ACTR3C: variants seen among roughly 807,000 people sequenced by gnomAD.
ACTR3C encodes actin related protein 3C.
A neutral mutation model predicts 26.3 loss-of-function variants in ACTR3C; 18 were observed. The ratio of observed to expected loss-of-function variants is 0.68; its 90% CI spans 0.47 to 1.01. The LOEUF (loss-of-function observed/expected upper bound fraction) is 1.01. Ranked by LOEUF, ACTR3C falls within the 50% of genes least tolerant of loss-of-function variation. ACTR3C has a pLI of 0.00. For synonymous variants in ACTR3C, 55 were observed against 94.5 expected, an observed-to-expected ratio of 0.58 and a Z score of 2.42; for missense variants, 184 against 250.7, an observed-to-expected ratio of 0.73 and a Z score of 1.80.
the ACTR3C span, among the ~76,000 whole-genome samples, chr7:149,982,283 C>T: frequency 1.4e-3 from 216 of 152,274 alleles, no homozygotes; most frequent in African/African-American, 4.5e-3. Flanking sequence ...AGGCATGAGA[C>T]AATGCAGTTA....
chr7:149,965,647 G>A, the ACTR3C span, among the ~76,000 whole-genome samples: 2 of 152,194 alleles, frequency 1.3e-5, no homozygotes, highest in Non-Finnish European at 1.5e-5. Flanking sequence ...CACAACTGAC[G>A]TTCCTGGAAA....
the ACTR3C span, among the ~76,000 whole-genome samples, chr7:150,025,508 CCT>C: frequency 2.2e-5 from 3 of 133,926 alleles, no homozygotes; most frequent in Non-Finnish European, 3.4e-5. Flanking sequence ...ACGAAAGCCC[CCT>C]CTCTTTTCCC....
At chr7:150,158,932 C>A in the ACTR3C span, among the ~76,000 whole-genome samples, 2 of 147,674 alleles carry the variant, frequency 1.4e-5, no homozygotes, top group Non-Finnish European at 3.0e-5. Context: ...CACACATGTG[C>A]GCAGACACAC....
chr7:150,163,864 G>T, the ACTR3C span, among the ~76,000 whole-genome samples: 2 of 152,000 alleles, frequency 1.3e-5, no homozygotes, highest in Non-Finnish European at 2.9e-5. Flanking sequence ...ATTGGGGAAG[G>T]CTCTCTGCTT....
intron 6 of ACTR3C, among the ~76,000 whole-genome samples, chr7:150,271,521 T>C (rs569776827): frequency 1.3e-5 from 2 of 150,484 alleles, no homozygotes; most frequent in African/African-American, 5.0e-5. Flanking sequence ...GAACTCATCC[T>C]TTTTTATGGC....
chr7:150,168,936 G>A, the ACTR3C span, among the ~76,000 whole-genome samples: 415 of 150,840 alleles, frequency 2.8e-3, 35 homozygotes, highest in African/African-American at 9.3e-3. Flanking sequence ...GGATGCTATC[G>A]GCTGAATTTC....
At chr7:150,173,069 A>G in the ACTR3C span, among the ~76,000 whole-genome samples, 2 of 149,886 alleles carry the variant, frequency 1.3e-5, no homozygotes, top group African/African-American at 2.5e-5. Context: ...TGGTGGATCT[A>G]CCATTCTAGG....
chr7:150,135,857 A>G, the ACTR3C span, among the ~76,000 whole-genome samples: 1 of 106,238 alleles, frequency 9.4e-6, no homozygotes, highest in South Asian at 2.3e-4. Flanking sequence ...GAAGAAAGAA[A>G]AGGAAAAGGA....
chr7:150,123,872 C>G, the ACTR3C span, among the ~76,000 whole-genome samples: 162 of 152,264 alleles, frequency 1.1e-3, 2 homozygotes, highest in Non-Finnish European at 5.6e-4. Context: ...TGGCTCACCC[C>G]GACCCTGAGG....
intron 1 of ACTR3C, among the ~76,000 whole-genome samples, chr7:150,306,998 G>A (rs1471343251): frequency 2.0e-5 from 3 of 151,956 alleles, no homozygotes; most frequent in Non-Finnish European, 4.4e-5. Context: ...GTTATAAAAG[G>A]ATATATAGAT....
the ACTR3C span, among the ~76,000 whole-genome samples, chr7:149,927,566 T>TA: frequency 6.6e-6 from 1 of 151,708 alleles, no homozygotes; most frequent in Non-Finnish European, 1.5e-5. Context: ...CCGTCTCTAT[T>TA]AAAAATACAA....
the ACTR3C span, among the ~76,000 whole-genome samples, chr7:150,194,170 G>A: frequency 2.0e-5 from 3 of 148,642 alleles, no homozygotes; most frequent in Non-Finnish European, 4.5e-5. Flanking sequence ...CACCTCCCTG[G>A]AGAAATTCCT....
the ACTR3C span, among the ~76,000 whole-genome samples, chr7:150,198,007 G>A: frequency 2.0e-5 from 3 of 151,242 alleles, no homozygotes; most frequent in Non-Finnish European, 4.4e-5. Flanking sequence ...GGCATGCGCC[G>A]CCACGCCTGA....
the ACTR3C span, among the ~76,000 whole-genome samples, chr7:150,122,828 G>A: frequency 6.6e-6 from 1 of 151,294 alleles, no homozygotes; most frequent in African/African-American, 2.4e-5. Context: ...GCAAAGACTT[G>A]GAACCAACCC....
the ACTR3C span, among the ~76,000 whole-genome samples, chr7:150,198,034 C>T: frequency 6.6e-5 from 10 of 151,468 alleles, no homozygotes; most frequent in South Asian, 2.1e-3. Flanking sequence ...TTGGTGGAGA[C>T]GGGGTTTCGC....
chr7:150,168,689 A>G, the ACTR3C span, among the ~76,000 whole-genome samples: 3 of 150,516 alleles, frequency 2.0e-5, 1 homozygote, highest in African/African-American at 7.5e-5. Context: ...AAGGAACACA[A>G]TTTTACTTAG....
the ACTR3C span, among the ~76,000 whole-genome samples, chr7:149,906,671 A>T: frequency 7.1e-6 from 1 of 140,954 alleles, no homozygotes; most frequent in Non-Finnish European, 1.5e-5. Flanking sequence ...ACCTCAGGTG[A>T]TTCGCCCACC....
chr7:150,009,681 G>A, the ACTR3C span, among the ~76,000 whole-genome samples: 1 of 152,180 alleles, frequency 6.6e-6, no homozygotes, highest in Non-Finnish European at 1.5e-5. Flanking sequence ...TAAACTAAGA[G>A]CCTTCATTCT....
chr7:150,055,491 G>GTT, the ACTR3C span, among the ~76,000 whole-genome samples: 7 of 141,822 alleles, frequency 4.9e-5, no homozygotes, highest in East Asian at 2.0e-4. Context: ...GAGGGAGGGA[G>GTT]TTTTTTTTTT....
Sources: gnomAD v4.1 joint callset for allele counts (sites outside exome capture counted in the v4.1 genomes callset) on GRCh38, gnomAD v4.1.1 for gene constraint, MANE v1.5 for transcripts, NCBI Gene and HGNC (gene_info 2026-07-23, HGNC 2026-07-21) for gene names.